CA1: variants seen among roughly 807,000 people sequenced by gnomAD.
CA1 encodes the protein carbonic anhydrase 1, also known as carbonate dehydratase I.
A neutral mutation model predicts 28.8 loss-of-function variants in CA1; 27 were observed. That is an observed-to-expected ratio of 0.94 (90% CI 0.69 to 1.29). CA1 has a LOEUF of 1.29. Ranked by LOEUF, CA1 falls within the 50% of genes most tolerant of loss-of-function variation. The probability of loss-of-function intolerance (pLI) is 0.00; values close to 1 mark genes in which losing one functional copy is unlikely to be tolerated. For synonymous variants in CA1, 121 were observed against 108.8 expected (o/e 1.11, Z -0.70); for missense variants, 335 against 310.5 (o/e 1.08, Z -0.59).
intron 1 of CA1, among the ~76,000 whole-genome samples, chr8:85,368,601 GA>G (rs1810102066): frequency 6.6e-6 from 1 of 151,470 alleles, no homozygotes; most frequent in African/African-American, 2.4e-5. Context: ...GTTTCATTGT[GA>G]CTGAAGTAGC....
intron 1 of CA1, among the ~76,000 whole-genome samples, chr8:85,359,760 T>C (rs942688822): frequency 6.6e-6 from 1 of 152,242 alleles, no homozygotes; most frequent in Non-Finnish European, 1.5e-5. Context: ...GTAGGTATTA[T>C]AACAAAGGCT....
At chr8:85,372,262 C>T (rs1445956965) in intron 1 of CA1, among the ~76,000 whole-genome samples, 1 of 151,970 alleles carries the variant, frequency 6.6e-6, no homozygotes, top group Non-Finnish European at 1.5e-5. Context: ...ACTTTGTACT[C>T]ATCAGACGGC....
chr8:85,360,943 A>C (rs1809771062), intron 1 of CA1, among the ~76,000 whole-genome samples: 1 of 152,206 alleles, frequency 6.6e-6, no homozygotes. Context: ...CTCTTGCAGA[A>C]CCACCAGGCC....
Position 85,338,322 on chromosome 8 carries a change from G to A in CA1, c.165C>T (p.Ala55=), listed in dbSNP as rs1325371591. Residue 55 remains alanine (A), a synonymous_variant, in exon 3 of 8, where the codon GCC becomes GCT. Transcript: ENST00000523022. ...LKPISVSYNP[A]TAKEIINVGH... ...CCACATTGATAATTTCTTTGGCTGT[G>A]GCTGGGTTGTAGGAGACACTAATAG... is the stretch of plus-strand genomic sequence containing the variant. The A allele has an allele frequency of 6.2e-7, 1 of 1,614,034 alleles. No homozygotes were observed. The highest frequency in any genetic ancestry group is 1.1e-5 in the South Asian group (1 of 91,086).
intron 1 of CA1, among the ~76,000 whole-genome samples, chr8:85,355,549 CTTTTTT>C (rs11353842): frequency 1.1e-4 from 12 of 108,702 alleles, no homozygotes; most frequent in Admixed American, 6.7e-4. Flanking sequence ...TGTCTAGTTC[CTTTTTT>C]TTTTTTTTTT....
At chr8:85,339,836 T>G (rs1160985543) in intron 2 of CA1, among the ~76,000 whole-genome samples, 1 of 152,218 alleles carries the variant, frequency 6.6e-6, no homozygotes, top group Non-Finnish European at 1.5e-5. Context: ...CCACATTCCC[T>G]TAAGCCGAAT....
In CA1 at chr8:85,327,745, A is replaced by G. The variant is rs1808235511; in HGVS notation, c.*815T>C. On this transcript the variant is annotated 3_prime_UTR_variant, in exon 8 of 8. Transcript: ENST00000523022. ...TTAAAGATAAAAATAGCATAAGGTG[A>G]AGCGCACATCTGACTAAAAGATTGC... 6.6e-6 allele frequency: 1 copy of G among 152,220 alleles called. No homozygotes were observed. The highest frequency in any genetic ancestry group is 1.5e-5 in the Non-Finnish European group (1 of 68,044). 9.4% of individuals were successfully genotyped at this position (152,220 alleles called of 1,614,324 possible). A position where few individuals can be genotyped will look rare whatever the true frequency, so the allele number is the denominator to read the frequency against.
At chr8:85,334,170 T>C (rs1808539606) in intron 4 of CA1, among the ~76,000 whole-genome samples, 1 of 152,236 alleles carries the variant, frequency 6.6e-6, no homozygotes, top group Non-Finnish European at 1.5e-5. Flanking sequence ...TATCTCTACA[T>C]GGATGTCTAA....
Position 85,337,076 on chromosome 8 carries a change from G to C in CA1, c.236-13C>G, listed in dbSNP as rs548346331. ...CCACCTTTCAGCACTGGAAGAAAAG[G>C]GAACCGATTGTTAGCCTGATGCTCC... is the stretch of plus-strand genomic sequence containing the variant. On this transcript the variant is annotated splice_polypyrimidine_tract_variant and intron_variant, in intron 3 of 7. Coordinates refer to ENST00000523022, the MANE Select transcript of CA1 (RefSeq NM_001128831.4). 1.1e-4 allele frequency: 159 copies of C among 1,423,204 alleles called. No homozygotes were observed. The South Asian group carries it at 1.7e-3, about 15-fold the overall frequency. 88.2% of individuals were successfully genotyped at this position (1,423,204 alleles called of 1,614,324 possible).
At chr8:85,346,016 C>T (rs1168122526) in intron 1 of CA1, among the ~76,000 whole-genome samples, 3 of 152,110 alleles carry the variant, frequency 2.0e-5, no homozygotes, top group Non-Finnish European at 2.9e-5. Flanking sequence ...TGTCTTGGAA[C>T]ATTTTATTTT....
intron 4 of CA1, 151 bp from the exon 5 acceptor site, chr8:85,333,771 A>G: frequency 3.2e-6 from 2 of 632,696 alleles, no homozygotes; most frequent in East Asian, 3.0e-5. Flanking sequence ...GAAGAGTTAC[A>G]TTCTCACTCG....
chr8:85,357,007 A>C (rs1338706657), intron 1 of CA1, among the ~76,000 whole-genome samples: 1 of 152,212 alleles, frequency 6.6e-6, no homozygotes, highest in Non-Finnish European at 1.5e-5. Context: ...TACAACACAA[A>C]TATTATATAT....
intron 1 of CA1, among the ~76,000 whole-genome samples, chr8:85,350,917 TGCTTGCTA>T (rs1289234166): frequency 6.6e-6 from 1 of 152,102 alleles, no homozygotes; most frequent in Non-Finnish European, 1.5e-5. Flanking sequence ...TTCCTAGGGG[TGCTTGCTA>T]GCCAGGGTTC....
At chr8:85,344,412 A>G (rs931661714) in intron 1 of CA1, among the ~76,000 whole-genome samples, 27 of 147,900 alleles carry the variant, frequency 1.8e-4, no homozygotes, top group Non-Finnish European at 2.8e-4. Flanking sequence ...ATTAAATGGT[A>G]CTAAATTTAG....
intron 1 of CA1, among the ~76,000 whole-genome samples, chr8:85,370,268 G>A (rs180904764): frequency 1.2e-4 from 18 of 152,122 alleles, no homozygotes; most frequent in Admixed American, 9.2e-4. Flanking sequence ...ATCTCAGATT[G>A]GCAGGAAATC....
At position 85,338,433 on chromosome 8, in the gene CA1, G is replaced by A. The variant is rs1481866285; in HGVS notation, c.54C>T (p.Ser18=). 1.2e-6 allele frequency: 2 copies of A among 1,613,732 alleles called. No individual in the cohort carries two copies. The highest frequency in any genetic ancestry group is 1.3e-5 in the African/African-American group (1 of 75,004). ...YDDKNGPEQW[S]KLYPIANGNN... is the part of the protein sequence containing the mutation. ...TTCCATTGGCAATGGGATACAGCTT[G>A]CTCCATTGTTCAGGACCTACCAGGA... The change falls in exon 3 of 8, where the codon AGC becomes AGT. Residue 18 remains serine, a synonymous_variant. Coordinates refer to ENST00000523022, the MANE Select transcript of CA1 (RefSeq NM_001128831.4).
intron 5 of CA1, 45 bp from the exon 6 acceptor site, chr8:85,332,597 A>C: frequency 2.2e-6 from 3 of 1,382,464 alleles, no homozygotes; most frequent in Non-Finnish European, 3.1e-6. Context: ...ATTATTATCA[A>C]TCGAACACTG....
chr8:85,377,677 C>T (rs1295086628), intron 1 of CA1, among the ~76,000 whole-genome samples: 1 of 152,040 alleles, frequency 6.6e-6, no homozygotes, highest in Non-Finnish European at 1.5e-5. Flanking sequence ...GTGGCATGTG[C>T]CTGTAATCCC....
intron 1 of CA1, among the ~76,000 whole-genome samples, chr8:85,375,896 A>T (rs560651255): frequency 1.2e-4 from 19 of 152,346 alleles, no homozygotes; most frequent in African/African-American, 4.6e-4. Flanking sequence ...TAAAATGACA[A>T]AAGGATTCTT....
Sources: allele counts gnomAD v4.1 joint callset (sites outside exome capture counted in the v4.1 genomes callset), GRCh38; gene constraint gnomAD v4.1.1; transcripts MANE v1.5; gene names NCBI Gene and HGNC (gene_info 2026-07-23, HGNC 2026-07-21).